The following SLC9A9 variants were observed in gnomAD, a reference collection of about 807,000 sequenced individuals.
SLC9A9 encodes solute carrier family 9 member A9, also known as sodium/hydrogen exchanger 9.
Under a neutral mutation model 77.8 loss-of-function variants are expected in SLC9A9, and 62 were observed. That is an observed-to-expected ratio of 0.80 (90% CI 0.65 to 0.98). SLC9A9 has a LOEUF of 0.98. Ranked by LOEUF, SLC9A9 falls within the 50% of genes least tolerant of loss-of-function variation. The pLI, the probability that SLC9A9 is intolerant of heterozygous loss-of-function variation, is 0.00. For missense variants in SLC9A9, 775 were observed against 774.9 expected (o/e 1.00, Z 0.00); for synonymous variants, 320 against 283.5 (o/e 1.13, Z -1.29).
chr3:143,471,897 C>G (rs1430976218), intron 11 of SLC9A9, among the ~76,000 whole-genome samples: 1 of 152,128 alleles, frequency 6.6e-6, no homozygotes, highest in Non-Finnish European at 1.5e-5. Flanking sequence ...CTATTCATAA[C>G]AATAGAAAAC....
chr3:143,621,629 A>C (rs2038214668), intron 6 of SLC9A9, among the ~76,000 whole-genome samples: 1 of 152,310 alleles, frequency 6.6e-6, no homozygotes, highest in African/African-American at 2.4e-5. Context: ...CACCATCATC[A>C]AAGACCAAAG....
At chr3:143,278,330 CAA>C (rs1578256729) in intron 14 of SLC9A9, among the ~76,000 whole-genome samples, 1 of 152,106 alleles carries the variant, frequency 6.6e-6, no homozygotes, top group African/African-American at 2.4e-5. Flanking sequence ...CAGTTTGAGC[CAA>C]AGTCTTCAAA....
chr3:143,509,959 T>C (rs2036088267), intron 9 of SLC9A9, among the ~76,000 whole-genome samples: 1 of 152,196 alleles, frequency 6.6e-6, no homozygotes, highest in African/African-American at 2.4e-5. Flanking sequence ...AGGTAACTTC[T>C]GCTTCCACCA....
At chr3:143,652,778 T>TAC (rs369670861) in intron 5 of SLC9A9, among the ~76,000 whole-genome samples, 2,762 of 82,396 alleles carry the variant, frequency 0.034, 36 homozygotes, top group East Asian at 0.044. Context: ...ATTCCTTAAA[T>TAC]ACACACACAC....
At chr3:143,727,814 T>C (rs1223916284) in intron 4 of SLC9A9, among the ~76,000 whole-genome samples, 1 of 152,262 alleles carries the variant, frequency 6.6e-6, no homozygotes, top group Non-Finnish European at 1.5e-5. Context: ...TGCTCACCAC[T>C]GTAGAATCTG....
chr3:143,473,006 GTT>G (rs35078461), intron 11 of SLC9A9, among the ~76,000 whole-genome samples: 30 of 146,394 alleles, frequency 2.0e-4, no homozygotes, highest in Middle Eastern at 3.5e-3. Context: ...CTAGACTTGT[GTT>G]TTTTTTTTTT....
intron 11 of SLC9A9, among the ~76,000 whole-genome samples, chr3:143,479,859 C>T (rs562868166): frequency 2.0e-5 from 3 of 152,294 alleles, no homozygotes; most frequent in African/African-American, 7.2e-5. Context: ...GTTTTCATGA[C>T]ACCAGGTGTG....
chr3:143,371,121 A>G (rs952095255), intron 13 of SLC9A9, among the ~76,000 whole-genome samples: 1 of 152,142 alleles, frequency 6.6e-6, no homozygotes, highest in Non-Finnish European at 1.5e-5. Context: ...TTGGTTGAAC[A>G]CTGACCTGTA....
intron 14 of SLC9A9, among the ~76,000 whole-genome samples, chr3:143,319,081 A>C (rs1394662891): frequency 6.6e-6 from 1 of 152,350 alleles, no homozygotes; most frequent in East Asian, 1.9e-4. Context: ...ATTGCCACAA[A>C]TTTGGCTTCT....
At position 143,759,565 on chromosome 3, in the gene SLC9A9, C is replaced by T. The variant is rs6770620; in HGVS notation, c.533+35436G>A. 4.3e-3 allele frequency among the ~76,000 whole-genome samples: 654 copies of T among 152,066 alleles called. 2 individuals are homozygous for T. Among genetic ancestry groups the T allele is most frequent in the African/African-American group, 0.015 (612 of 41,518 alleles). Reference sequence around the variant, plus strand: ...CCCTCTCTAAATACTTGATGGGTGTCCAGATCCTTTGAGTCCTGTCTGAGG... The same window carrying T: ...CCCTCTCTAAATACTTGATGGGTGTTCAGATCCTTTGAGTCCTGTCTGAGG... On this transcript the variant is annotated intron_variant, in intron 4 of 15. Transcript: ENST00000316549.
intron 12 of SLC9A9, among the ~76,000 whole-genome samples, chr3:143,410,311 T>C (rs892561540): frequency 6.6e-6 from 1 of 152,240 alleles, no homozygotes; most frequent in Non-Finnish European, 1.5e-5. Context: ...AATAGATTTA[T>C]AGTGAGTATG....
At chr3:143,756,436 A>G (rs1258721465) in intron 4 of SLC9A9, among the ~76,000 whole-genome samples, 1 of 152,214 alleles carries the variant, frequency 6.6e-6, no homozygotes, top group Non-Finnish European at 1.5e-5. Flanking sequence ...TCTAAAAAGC[A>G]TCTATGCCCC....
intron 14 of SLC9A9, among the ~76,000 whole-genome samples, chr3:143,290,450 T>A (rs962571021): frequency 3.9e-5 from 6 of 152,222 alleles, no homozygotes; most frequent in African/African-American, 1.4e-4. Flanking sequence ...AGGAATCTGG[T>A]CACACATTCC....
chr3:143,277,360 T>C (rs748431166), intron 14 of SLC9A9, among the ~76,000 whole-genome samples: 2 of 152,222 alleles, frequency 1.3e-5, no homozygotes, highest in Non-Finnish European at 2.9e-5. Context: ...TCCTGGGGCC[T>C]TGAAGCTAAT....
At chr3:143,801,992 AG>A (rs544731227) in intron 2 of SLC9A9, among the ~76,000 whole-genome samples, 6 of 152,302 alleles carry the variant, frequency 3.9e-5, no homozygotes, top group Non-Finnish European at 7.4e-5. Flanking sequence ...TTCACTGCAA[AG>A]GCCATCAAAA....
intron 13 of SLC9A9, among the ~76,000 whole-genome samples, chr3:143,374,341 C>T (rs1029028277): frequency 2.1e-5 from 3 of 141,216 alleles, no homozygotes; most frequent in South Asian, 2.3e-4. Flanking sequence ...AGGAGAATGG[C>T]GTGAACCCGG....
chr3:143,616,038 G>A (rs2038099373), intron 6 of SLC9A9, among the ~76,000 whole-genome samples: 2 of 151,822 alleles, frequency 1.3e-5, no homozygotes, highest in South Asian at 2.1e-4. Context: ...CCACCACCAC[G>A]CCCAGCTAAT....
intron 5 of SLC9A9, among the ~76,000 whole-genome samples, chr3:143,679,116 G>A (rs1392453707): frequency 6.9e-6 from 1 of 144,078 alleles, no homozygotes; most frequent in African/African-American, 2.5e-5. Flanking sequence ...GTAAAAAAAA[G>A]CAAATTAGGA....
At chr3:143,283,791 C>A (rs551357608) in intron 14 of SLC9A9, among the ~76,000 whole-genome samples, 12 of 152,300 alleles carry the variant, frequency 7.9e-5, no homozygotes, top group African/African-American at 2.6e-4. Context: ...TCCACCATAT[C>A]AACACATCTT....
Sources: gnomAD v4.1 joint callset for allele counts (sites outside exome capture counted in the v4.1 genomes callset) on GRCh38, gnomAD v4.1.1 for gene constraint, MANE v1.5 for transcripts, NCBI Gene and HGNC (gene_info 2026-07-23, HGNC 2026-07-21) for gene names.